Variants in INPP4A observed in about 807,000 individuals in gnomAD.
INPP4A encodes the protein inositol polyphosphate-4-phosphatase, type I, 107kD.
Under a neutral mutation model 119.8 loss-of-function variants are expected in INPP4A, and 33 were observed. The observed-to-expected ratio is 0.28, with a 90% CI of 0.21 to 0.37. The LOEUF is 0.37. INPP4A is among the 10% of genes least tolerant of loss of function. INPP4A has a pLI of 1.00. For missense variants in INPP4A, 956 were observed against 1,289.9 expected (o/e 0.74, Z 3.97); for synonymous variants, 496 against 500.7 (o/e 0.99, Z 0.12).
In INPP4A at chr2:98,593,199, C is replaced by CT. The variant is rs1700478086; in HGVS notation, c.*5594dup. On this transcript the variant is annotated 3_prime_UTR_variant, in exon 25 of 25. Transcript: ENST00000409851. ...GCCTTGCAGGCCAGTCCAGGCAGGT[C>CT]TTTCACACTGTTGTCCCACATAACA... 1 of 152,354 alleles carries CT rather than the reference C, an allele frequency of 6.6e-6. No homozygotes were observed. The highest frequency in any genetic ancestry group is 1.5e-5 in the Non-Finnish European group (1 of 68,116). 9.4% of individuals were successfully genotyped at this position (152,354 alleles called of 1,614,324 possible). A position where few individuals can be genotyped will look rare whatever the true frequency, so the allele number is the denominator to read the frequency against.
intron 1 of INPP4A, among the ~76,000 whole-genome samples, chr2:98,481,608 C>T (rs1678484495): frequency 6.6e-6 from 1 of 152,274 alleles, no homozygotes. Flanking sequence ...CACATTGAGC[C>T]TCAGTAACAG....
rs1047172872 is a variant in INPP4A, at chr2:98,444,860, C to G, written c.-391C>G. 6.6e-6 allele frequency: 1 copy of G among 151,922 alleles called. No individual in the cohort carries two copies. The highest frequency in any genetic ancestry group is 6.6e-5 in the Admixed American group (1 of 15,214). The allele number at this position is 151,922 out of a possible 1,614,324, so 9.4% of individuals were successfully genotyped here. A position where few individuals can be genotyped will look rare whatever the true frequency, so the allele number is the denominator to read the frequency against. On this transcript the variant is annotated 5_prime_UTR_variant, in exon 1 of 25. Transcript: ENST00000409851. The stretch of plus-strand genomic sequence containing the variant: ...GCCAGGGCGGGGCTGCGCCCGGCGT[C>G]TAGAGCGGCGGCGGCTGGCTAGGGC...
At chr2:98,573,630 G>A (rs987348403) in intron 23 of INPP4A, among the ~76,000 whole-genome samples, 2 of 152,106 alleles carry the variant, frequency 1.3e-5, no homozygotes, top group Non-Finnish European at 2.9e-5. Context: ...CACAGAGCTC[G>A]AGCAGCAGAG....
intron 10 of INPP4A, 121 bp downstream of exon 10, chr2:98,539,796 C>A (rs1691049662): frequency 1.0e-6 from 1 of 964,924 alleles, no homozygotes. Flanking sequence ...CAGCCTCTCC[C>A]CCTGCAGCTC....
At chr2:98,522,860 A>G (rs1343947255) in intron 4 of INPP4A, among the ~76,000 whole-genome samples, 1 of 152,228 alleles carries the variant, frequency 6.6e-6, no homozygotes, top group Non-Finnish European at 1.5e-5. Context: ...CAGTGAGACA[A>G]CACCTTTAAT....
intron 17 of INPP4A, among the ~76,000 whole-genome samples, chr2:98,561,959 T>C (rs1325504127): frequency 6.6e-6 from 1 of 152,230 alleles, no homozygotes; most frequent in East Asian, 1.9e-4. Context: ...CTGAGAACTT[T>C]AGTGGAGGAA....
chr2:98,541,122 T>C (rs954916912), intron 10 of INPP4A, among the ~76,000 whole-genome samples: 11 of 152,208 alleles, frequency 7.2e-5, no homozygotes, highest in African/African-American at 2.2e-4. Flanking sequence ...GGTCAGGAGA[T>C]TGAGACCATC....
intron 16 of INPP4A, among the ~76,000 whole-genome samples, chr2:98,558,151 C>G (rs1207667935): frequency 1.3e-5 from 2 of 152,268 alleles, no homozygotes; most frequent in East Asian, 1.9e-4. Context: ...CTTTTTCTCC[C>G]CTTTGATTGA....
chr2:98,522,180 G>A (rs1181108981), intron 4 of INPP4A, among the ~76,000 whole-genome samples: 3 of 151,576 alleles, frequency 2.0e-5, no homozygotes, highest in Non-Finnish European at 2.9e-5. Context: ...CCAGCTACTC[G>A]GGAGGCTGAA....
intron 1 of INPP4A, among the ~76,000 whole-genome samples, chr2:98,473,529 T>C (rs1019549859): frequency 1.3e-5 from 2 of 151,854 alleles, no homozygotes; most frequent in South Asian, 4.2e-4. Context: ...AGGTGCAGTG[T>C]AGAGGGGCTG....
intron 15 of INPP4A, among the ~76,000 whole-genome samples, chr2:98,555,025 A>G (rs1201228698): frequency 5.3e-5 from 8 of 152,240 alleles, no homozygotes; most frequent in Non-Finnish European, 2.9e-5. Context: ...TGTTTTTACC[A>G]TTTATTGAGA....
At chr2:98,561,797 T>C (rs1427912162) in intron 17 of INPP4A, among the ~76,000 whole-genome samples, 1 of 152,262 alleles carries the variant, frequency 6.6e-6, no homozygotes, top group African/African-American at 2.4e-5. Context: ...TAAGAGCATG[T>C]ACTTCTTAGA....
In INPP4A at chr2:98,555,795, T is replaced by C; in HGVS notation, c.1809T>C (p.Pro603=). The change falls in exon 16 of 25, where the codon CCT becomes CCC. Residue 603 remains proline (P), a synonymous_variant. Transcript: ENST00000409851. The part of the protein sequence containing the change: ...PSTMPSTACH[P]HLTTHCSPPP... ...CCATGCCCTCCACTGCATGCCATCC[T>C]CATCTGACCACACGTGCGTATGCAT... is the stretch of plus-strand genomic sequence containing the variant. 1 of 1,562,310 alleles carries C rather than the reference T, an allele frequency of 6.4e-7. No individual in the cohort carries two copies.
At position 98,537,752 on chromosome 2, in the gene INPP4A, G is replaced by A. The variant is rs926619443; in HGVS notation, c.468-111G>A. Reference sequence around the variant, plus strand: ...TGCTGACTGACTGGTCAGTCAGCTCGGCCCTGCTGCCCCCAGGACCCTGAT... The same window carrying A: ...TGCTGACTGACTGGTCAGTCAGCTCAGCCCTGCTGCCCCCAGGACCCTGAT... On this transcript the variant is annotated intron_variant, in intron 7 of 24. Coordinates refer to ENST00000409851, the MANE Select transcript of INPP4A (RefSeq NM_001134225.2). 2.0e-5 allele frequency: 15 copies of A among 752,496 alleles called. No individual in the cohort carries two copies. In the African/African-American group the frequency reaches 2.2e-4, roughly 11 times the overall value. 46.6% of individuals were successfully genotyped at this position (752,496 alleles called of 1,614,324 possible). A position where few individuals can be genotyped will look rare whatever the true frequency, so the allele number is the denominator to read the frequency against.
At chr2:98,528,031 A>G (rs895963424) in intron 4 of INPP4A, among the ~76,000 whole-genome samples, 2 of 152,230 alleles carry the variant, frequency 1.3e-5, no homozygotes, top group African/African-American at 4.8e-5. Flanking sequence ...GAAAAAACCC[A>G]TACAGTCAGT....
rs142186099 is a variant in INPP4A at position 98,480,237 on chromosome 2, T to G, written c.-166+35152T>G. 1.0e-3 allele frequency among the ~76,000 whole-genome samples: 152 copies of G among 152,304 alleles called. 3 individuals are homozygous for G. The East Asian group carries it at 0.026, about 26-fold the overall frequency. On this transcript the variant is annotated intron_variant, in intron 1 of 24. Transcript: ENST00000409851. ...CAGGGGCTCCTGGTTCTGACTGTCT[T>G]GGGTGGGTGGGGAACTCAGCCCTGA...
At chr2:98,525,266 T>C (rs1409768076) in intron 4 of INPP4A, among the ~76,000 whole-genome samples, 2 of 152,204 alleles carry the variant, frequency 1.3e-5, no homozygotes, top group Non-Finnish European at 2.9e-5. Flanking sequence ...GCAGGTCTAG[T>C]GCCTTCCATG....
At chr2:98,539,723 G>A in intron 10 of INPP4A, 48 bp downstream of exon 10, 1 of 1,556,012 alleles carries the variant, frequency 6.4e-7, no homozygotes. Context: ...CATGTCATGT[G>A]CCCCTTCCTT....
At chr2:98,529,027 C>T (rs1377416285) in intron 4 of INPP4A, among the ~76,000 whole-genome samples, 18 of 148,666 alleles carry the variant, frequency 1.2e-4, no homozygotes, top group Admixed American at 4.7e-4. Flanking sequence ...TGCTGTGAGC[C>T]GAGATCGCAC....
Sources: allele counts gnomAD v4.1 joint callset (sites outside exome capture counted in the v4.1 genomes callset), GRCh38; gene constraint gnomAD v4.1.1; transcripts MANE v1.5; gene names NCBI Gene and HGNC (gene_info 2026-07-23, HGNC 2026-07-21).